The following DGKG variants were observed in gnomAD, a reference collection of about 807,000 sequenced individuals.
DGKG encodes the protein DAG kinase gamma.
Under a neutral mutation model 105.3 loss-of-function variants are expected in DGKG, and 78 were observed. The observed-to-expected ratio is 0.74, with a 90% confidence interval of 0.62 to 0.89. DGKG has a LOEUF of 0.89. Ranked by LOEUF, DGKG falls within the 40% of genes least tolerant of loss-of-function variation. The pLI is 0.00. For synonymous variants in DGKG, 346 were observed against 367.1 expected (o/e 0.94, Z 0.66); for missense variants, 958 against 1,020.1 (o/e 0.94, Z 0.83).
At chr3:186,359,513 G>T (rs1320546738) in intron 1 of DGKG, among the ~76,000 whole-genome samples, 1 of 152,170 alleles carries the variant, frequency 6.6e-6, no homozygotes, top group African/African-American at 2.4e-5. Flanking sequence ...GCCTGGGTTT[G>T]AATCTTGATT....
At chr3:186,273,567 G>T (rs912599008) in intron 10 of DGKG, among the ~76,000 whole-genome samples, 7 of 151,834 alleles carry the variant, frequency 4.6e-5, no homozygotes, top group African/African-American at 1.7e-4. Context: ...TAGGGACGGG[G>T]TTTCACCATG....
At chr3:186,345,642 T>C (rs572566687) in intron 1 of DGKG, among the ~76,000 whole-genome samples, 18 of 152,364 alleles carry the variant, frequency 1.2e-4, no homozygotes, top group Admixed American at 1.0e-3. Flanking sequence ...TCTTATCCTT[T>C]CAGACAAACA....
At chr3:186,216,084 C>T (rs942845208) in intron 20 of DGKG, among the ~76,000 whole-genome samples, 5 of 151,782 alleles carry the variant, frequency 3.3e-5, no homozygotes, top group South Asian at 2.1e-4. Context: ...CTGCAACCTC[C>T]GCCTCCCCGG....
At chr3:186,262,496 C>T (rs757983920) in intron 14 of DGKG, among the ~76,000 whole-genome samples, 11 of 152,222 alleles carry the variant, frequency 7.2e-5, no homozygotes, top group Non-Finnish European at 1.2e-4. Context: ...AAGTCCTGCA[C>T]ACCATCCCCA....
At chr3:186,172,825 C>G (rs1716887411) in intron 22 of DGKG, among the ~76,000 whole-genome samples, 1 of 152,252 alleles carries the variant, frequency 6.6e-6, no homozygotes, top group Admixed American at 6.5e-5. Context: ...CATTTGTTCT[C>G]TCTGAGCCTG....
At chr3:186,316,723 A>G (rs1401771400) in intron 2 of DGKG, among the ~76,000 whole-genome samples, 3 of 152,222 alleles carry the variant, frequency 2.0e-5, no homozygotes. Context: ...CCAACTTTAC[A>G]CTATATAAAT....
chr3:186,342,141 A>G (rs1041836427), intron 1 of DGKG, among the ~76,000 whole-genome samples: 12 of 152,214 alleles, frequency 7.9e-5, no homozygotes, highest in Admixed American at 2.6e-4. Context: ...CAATGTGCAC[A>G]TGTACCCTAA....
chr3:186,257,435 T>G (rs1721532593), intron 17 of DGKG, among the ~76,000 whole-genome samples: 1 of 152,226 alleles, frequency 6.6e-6, no homozygotes, highest in Admixed American at 6.5e-5. Context: ...AGATGCACTT[T>G]CTGGACTCAG....
chr3:186,225,225 G>A (rs1049540598), intron 20 of DGKG, among the ~76,000 whole-genome samples: 3 of 151,756 alleles, frequency 2.0e-5, no homozygotes, highest in South Asian at 2.1e-4. Context: ...TCTCAGCTTC[G>A]CAAAGTGTAG....
intron 2 of DGKG, among the ~76,000 whole-genome samples, chr3:186,307,881 CT>C (rs3216624): frequency 1.5e-3 from 217 of 144,492 alleles, no homozygotes; most frequent in African/African-American, 3.2e-3. Context: ...AACTCTGTCC[CT>C]TTTTTTTTTT....
intron 5 of DGKG, among the ~76,000 whole-genome samples, chr3:186,295,528 GTAATAA>G (rs1241384638): frequency 1.7e-5 from 2 of 120,670 alleles, no homozygotes; most frequent in Admixed American, 8.9e-5. Context: ...AATAATAATA[GTAATAA>G]TAATAATAAT....
At chr3:186,176,493 G>T (rs746436284) in intron 22 of DGKG, among the ~76,000 whole-genome samples, 2 of 152,194 alleles carry the variant, frequency 1.3e-5, no homozygotes, top group Non-Finnish European at 2.9e-5. Context: ...TTGGAGGAGA[G>T]TCACGACAGG....
intron 3 of DGKG, among the ~76,000 whole-genome samples, chr3:186,304,073 C>T (rs1037631458): frequency 1.3e-5 from 2 of 152,226 alleles, no homozygotes; most frequent in East Asian, 1.9e-4. Context: ...CCGACAGAGG[C>T]GAGGGCGGCT....
chr3:186,302,320 G>A (rs1005207229), intron 3 of DGKG, among the ~76,000 whole-genome samples: 1 of 151,674 alleles, frequency 6.6e-6, no homozygotes, highest in Non-Finnish European at 1.5e-5. Context: ...GTGCACCTGA[G>A]GAATAGCCTG....
intron 19 of DGKG, among the ~76,000 whole-genome samples, chr3:186,248,555 G>C (rs73056117): frequency 0.045 from 6,924 of 152,278 alleles, 550 homozygotes; most frequent in African/African-American, 0.16. Flanking sequence ...TGTTAAAAAT[G>C]CCAGTTCCCA....
chr3:186,267,659 G>T, intron 13 of DGKG, 26 bp downstream of exon 13: 1 of 1,591,724 alleles, frequency 6.3e-7, no homozygotes, highest in African/African-American at 1.3e-5. Flanking sequence ...AGAAGCTACA[G>T]CCCTCGCCGG....
Position 186,147,559 on chromosome 3 carries a change from T to C in DGKG, c.*2531A>G, listed in dbSNP as rs185930577. On this transcript the variant is annotated 3_prime_UTR_variant, in exon 25 of 25. Coordinates refer to ENST00000265022, the MANE Select transcript of DGKG (RefSeq NM_001346.3). ...AACTGGAAGTGCAATTCCACTGAAG[T>C]TGTTATACTCCATGCCTCTAAGAAG... 128 of 985,338 alleles carry C rather than the reference T, an allele frequency of 1.3e-4. No individual in the cohort carries two copies. The Middle Eastern group carries it at 1.6e-3, about 12-fold the overall frequency. The allele number at this position is 985,338 out of a possible 1,614,324, so 61.0% of individuals were successfully genotyped here. A position where few individuals can be genotyped will look rare whatever the true frequency, so the allele number is the denominator to read the frequency against.
intron 20 of DGKG, among the ~76,000 whole-genome samples, chr3:186,223,139 A>G (rs992633676): frequency 1.3e-5 from 2 of 150,460 alleles, no homozygotes; most frequent in African/African-American, 2.4e-5. Context: ...AAGTACAGGG[A>G]GCACATCTTT....
At chr3:186,289,795 T>C (rs772776442) in intron 5 of DGKG, among the ~76,000 whole-genome samples, 4 of 152,168 alleles carry the variant, frequency 2.6e-5, no homozygotes, top group Non-Finnish European at 4.4e-5. Flanking sequence ...GTACTGAAGG[T>C]AGAGGCAGTG....
Sources: allele counts gnomAD v4.1 joint callset (sites outside exome capture counted in the v4.1 genomes callset), GRCh38; gene constraint gnomAD v4.1.1; transcripts MANE v1.5; gene names NCBI Gene and HGNC (gene_info 2026-07-23, HGNC 2026-07-21).